The following PUM2 variants were observed in gnomAD, a reference collection of about 807,000 sequenced individuals.
PUM2 encodes pumilio homolog 2.
PUM2 carries 57 observed loss-of-function variants against 124.5 expected under a neutral mutation model. That is an observed-to-expected ratio of 0.46 (90% CI 0.37 to 0.57). The LOEUF is 0.57. PUM2 is among the 20% of genes least tolerant of loss of function. The pLI, the probability that PUM2 is intolerant of heterozygous loss-of-function variation, is 0.00. For synonymous variants in PUM2, 460 were observed against 446.1 expected (o/e 1.03, Z -0.39); for missense variants, 1,065 against 1,290.6 (o/e 0.83, Z 2.68).
chr2:20,273,967 G>A (rs944157536), intron 13 of PUM2, among the ~76,000 whole-genome samples: 8 of 152,076 alleles, frequency 5.3e-5, no homozygotes, highest in African/African-American at 1.9e-4. Flanking sequence ...ATTCTGAGAG[G>A]CTAATTAGAA....
intron 8 of PUM2, among the ~76,000 whole-genome samples, chr2:20,295,037 G>A (rs754416382): frequency 1.1e-4 from 16 of 152,026 alleles, no homozygotes; most frequent in Non-Finnish European, 2.1e-4. Flanking sequence ...TTTCAGTCAC[G>A]ATTCTCACAG....
Position 20,283,215 on chromosome 2 carries a change from AGCTGCTGCT to A in PUM2, c.1443_1451del (p.Ala482_Ala484del). 1 of 1,612,314 alleles carries A rather than the reference AGCTGCTGCT, an allele frequency of 6.2e-7. No homozygotes were observed. The highest frequency in any genetic ancestry group is 8.5e-7 in the Non-Finnish European group (1 of 1,178,594). The stretch of plus-strand genomic sequence containing the variant: ...CTGTAAGGCTACTTGCAGTTCCTCC[AGCTGCTGCT>A]GCTGCTGCTGTAAAATAAATTTCAG... On this transcript the variant is annotated inframe_deletion, in exon 12 of 21. Coordinates refer to ENST00000361078, the MANE Select transcript of PUM2 (RefSeq NM_015317.5).
At chr2:20,343,591 T>TA (rs1244860706) in intron 1 of PUM2, among the ~76,000 whole-genome samples, 2 of 152,050 alleles carry the variant, frequency 1.3e-5, no homozygotes, top group African/African-American at 4.8e-5. Flanking sequence ...GCAACCTTAT[T>TA]CCTAACACTA....
At chr2:20,293,129 G>A (rs1157850602) in intron 9 of PUM2, among the ~76,000 whole-genome samples, 1 of 152,128 alleles carries the variant, frequency 6.6e-6, no homozygotes, top group Admixed American at 6.5e-5. Flanking sequence ...AAAACAAGGT[G>A]AAAACTTAGT....
At chr2:20,294,841 C>T (rs1263491509) in intron 8 of PUM2, among the ~76,000 whole-genome samples, 2 of 152,154 alleles carry the variant, frequency 1.3e-5, no homozygotes, top group African/African-American at 4.8e-5. Flanking sequence ...TTCCATAAAA[C>T]TAAGATTTTT....
rs1683773098 is a variant in PUM2 at position 20,326,743 on chromosome 2, T to A, written c.51+567A>T. On this transcript the variant is annotated intron_variant, in intron 2 of 20. Transcript: ENST00000361078. ...GCCTACTATGCTAGGCATTCAAAGC[T>A]AATAATTTACAGGGGAGACAAGTGT... Among the ~76,000 whole-genome samples the A allele has an allele frequency of 2.0e-5, 3 of 152,218 alleles. No homozygotes were observed. In the South Asian group the frequency reaches 6.2e-4, roughly 32 times the overall value.
intron 1 of PUM2, among the ~76,000 whole-genome samples, chr2:20,333,617 A>G (rs1685378971): frequency 6.6e-6 from 1 of 152,174 alleles, no homozygotes; most frequent in Non-Finnish European, 1.5e-5. Context: ...TACATTATTA[A>G]AAGTATTTGT....
chr2:20,299,034 A>C (rs1239849038), intron 7 of PUM2, among the ~76,000 whole-genome samples: 1 of 152,100 alleles, frequency 6.6e-6, no homozygotes, highest in African/African-American at 2.4e-5. Flanking sequence ...CTGTATCCTT[A>C]ACAGTATCTT....
chr2:20,323,381 G>C (rs1409252838), intron 2 of PUM2, among the ~76,000 whole-genome samples: 1 of 149,632 alleles, frequency 6.7e-6, no homozygotes, highest in African/African-American at 2.5e-5. Context: ...CTGGGAGGTG[G>C]AGATTGCAGT....
At chr2:20,343,163 AACTT>A (rs1687561993) in intron 1 of PUM2, among the ~76,000 whole-genome samples, 2 of 152,184 alleles carry the variant, frequency 1.3e-5, no homozygotes, top group Admixed American at 6.6e-5. Flanking sequence ...AATTTAAATA[AACTT>A]ACTTTATTCA....
chr2:20,324,938 T>TAAAA (rs35178527), intron 2 of PUM2, among the ~76,000 whole-genome samples: 5 of 141,906 alleles, frequency 3.5e-5, no homozygotes, highest in Admixed American at 2.1e-4. Context: ...CGTTTTGCAT[T>TAAAA]AAAAAAAAAA....
At chr2:20,351,779 G>T (rs1039524668), upstream of PUM2, among the ~76,000 whole-genome samples, 1 of 152,166 alleles carries the variant, frequency 6.6e-6, no homozygotes, top group Non-Finnish European at 1.5e-5. Flanking sequence ...AGGGCCTCCC[G>T]TATAGTTTGC....
intron 13 of PUM2, among the ~76,000 whole-genome samples, chr2:20,264,121 G>A (rs979745478): frequency 6.6e-6 from 1 of 150,914 alleles, no homozygotes; most frequent in Non-Finnish European, 1.5e-5. Flanking sequence ...GGCGGATCAC[G>A]AGGTCAGGAG....
chr2:20,253,506 G>A (rs1663987090), intron 20 of PUM2, among the ~76,000 whole-genome samples: 1 of 150,256 alleles, frequency 6.7e-6, no homozygotes, highest in African/African-American at 2.4e-5. Flanking sequence ...TTGTCTAATT[G>A]TTTTTCTTTT....
At position 20,337,957 on chromosome 2, in the gene PUM2, C is replaced by T. The variant is rs560756099; in HGVS notation, c.-18-10579G>A. Among the ~76,000 whole-genome samples, 5 of 152,152 alleles carry T rather than the reference C, an allele frequency of 3.3e-5. No homozygotes were observed. In the South Asian group the frequency reaches 1.0e-3, roughly 32 times the overall value. On this transcript the variant is annotated intron_variant, in intron 1 of 20. Coordinates refer to ENST00000361078, the MANE Select transcript of PUM2 (RefSeq NM_015317.5). ...AAGTCAATACTGCATCATTACTTTG[C>T]AAATAGGAAAACTGGCCACAATTTC...
chr2:20,325,083 G>C (rs1159653677), intron 2 of PUM2, among the ~76,000 whole-genome samples: 1 of 152,180 alleles, frequency 6.6e-6, no homozygotes, highest in South Asian at 2.1e-4. Flanking sequence ...TGGTGAGAGA[G>C]AGAGGCAAAG....
chr2:20,282,080 T>G (rs1000926919), intron 12 of PUM2, among the ~76,000 whole-genome samples: 2 of 152,210 alleles, frequency 1.3e-5, no homozygotes, highest in Non-Finnish European at 2.9e-5. Context: ...GAGGTCCAAA[T>G]AGTCCTATCC....
intron 13 of PUM2, among the ~76,000 whole-genome samples, chr2:20,273,513 T>A (rs1383169929): frequency 2.0e-5 from 3 of 152,180 alleles, no homozygotes; most frequent in Admixed American, 1.3e-4. Context: ...GGATAATAAA[T>A]AAAAAATTAG....
chr2:20,332,298 T>TGC (rs773544232), intron 1 of PUM2, among the ~76,000 whole-genome samples: 7 of 79,270 alleles, frequency 8.8e-5, no homozygotes, highest in African/African-American at 2.5e-4. Flanking sequence ...TGTGTGTGTG[T>TGC]GTGTGTGTGT....
Sources: gnomAD v4.1 joint callset for allele counts (sites outside exome capture counted in the v4.1 genomes callset) on GRCh38, gnomAD v4.1.1 for gene constraint, MANE v1.5 for transcripts, NCBI Gene and HGNC (gene_info 2026-07-23, HGNC 2026-07-21) for gene names.